The following PHTF1 variants were observed in gnomAD, a reference collection of about 807,000 sequenced individuals.
The protein encoded by PHTF1 is protein PHTF1.
Under a neutral mutation model 102.4 loss-of-function variants are expected in PHTF1, and 88 were observed. The ratio of observed to expected loss-of-function variants is 0.86; its 90% CI spans 0.72 to 1.03. The LOEUF is 1.03. Ranked by LOEUF, PHTF1 falls within the 50% of genes least tolerant of loss-of-function variation. PHTF1 has a pLI of 0.00. For synonymous variants in PHTF1, 289 were observed against 305.2 expected (o/e 0.95, Z 0.55); for missense variants, 814 against 909.5 (o/e 0.89, Z 1.35).
chr1:113,752,585 C>T (rs1658264179), intron 3 of PHTF1, among the ~76,000 whole-genome samples: 1 of 151,650 alleles, frequency 6.6e-6, no homozygotes, highest in South Asian at 2.1e-4. Context: ...GGGGTTTCAC[C>T]ATGTTAGCCA....
rs998940640 is a variant in PHTF1, at chr1:113,700,340, C to T, written c.2046+454G>A. 21 of 194,008 alleles carry T rather than the reference C, an allele frequency of 1.1e-4. 1 individual carries two copies. Among genetic ancestry groups the T allele is most frequent in the Non-Finnish European group, 4.7e-5 (5 of 106,090 alleles). 12.0% of individuals were successfully genotyped at this position (194,008 alleles called of 1,614,324 possible). A position where few individuals can be genotyped will look rare whatever the true frequency, so the allele number is the denominator to read the frequency against. On this transcript the variant is annotated intron_variant, in intron 16 of 18. Transcript: ENST00000369604. ...AAAACAAAATTAAAAAAACTTTATACTACTCTGTATTTACAAGAGATATTT... is the reference window on the plus strand; with the variant it reads ...AAAACAAAATTAAAAAAACTTTATATTACTCTGTATTTACAAGAGATATTT...
intron 5 of PHTF1, among the ~76,000 whole-genome samples, chr1:113,729,734 C>T (rs187219886): frequency 1.6e-3 from 246 of 152,240 alleles, no homozygotes; most frequent in Non-Finnish European, 3.1e-3. Flanking sequence ...ACCAAAAAGA[C>T]CAACTACGTG....
In PHTF1 at chr1:113,746,870, C is replaced by A. The variant is rs901155901; in HGVS notation, c.103-8071G>T. The A allele has an allele frequency of 4.4e-6, 4 of 906,772 alleles. No individual in the cohort carries two copies. The African/African-American group carries it at 7.2e-5, about 16-fold the overall frequency. The allele number at this position is 906,772 out of a possible 1,614,324, so 56.2% of individuals were successfully genotyped here. A position where few individuals can be genotyped will look rare whatever the true frequency, so the allele number is the denominator to read the frequency against. On this transcript the variant is annotated intron_variant, in intron 3 of 18. Coordinates refer to ENST00000369604, the MANE Select transcript of PHTF1 (RefSeq NM_001323043.2). ...CACCCTTCCTTACCCTTGATTCATA[C>A]ATCCTAGCTATTTCTTCTCTTTACT...
intron 3 of PHTF1, among the ~76,000 whole-genome samples, chr1:113,751,399 T>TC (rs1165569925): frequency 6.6e-6 from 1 of 152,196 alleles, no homozygotes; most frequent in African/African-American, 2.4e-5. Context: ...AAAGCCCTGT[T>TC]CCCCTCAATC....
chr1:113,698,317 A>C lies in PHTF1; in HGVS notation c.2213T>G (p.Val738Gly). 6.2e-7 allele frequency: 1 copy of C among 1,607,760 alleles called. No individual in the cohort carries two copies. The highest frequency in any genetic ancestry group is 1.1e-5 in the South Asian group (1 of 90,942). The stretch of plus-strand genomic sequence containing the variant: ...AACACCTGAGACAGCAGAAAGGATA[A>C]CTACTCTTGTGATATTGTAGATTAA... ...NPLIYNITRVVILSAVSGVIS... is the reference protein window; with the variant it reads ...NPLIYNITRVGILSAVSGVIS... Residue 738 changes from valine to glycine, a missense_variant, in exon 18 of 19, where the codon GTT becomes GGT. Physicochemically the swap from Val to Gly is moderately radical, Grantham distance 109. Transcript: ENST00000369604.
intron 5 of PHTF1, among the ~76,000 whole-genome samples, chr1:113,737,698 C>G (rs1049188311): frequency 6.6e-6 from 1 of 152,146 alleles, no homozygotes; most frequent in Admixed American, 6.5e-5. Flanking sequence ...ACTTGGGTGG[C>G]TGAGGTGGAA....
At chr1:113,700,104 AC>A (rs1460024316) in intron 16 of PHTF1, 5 of 1,042,990 alleles carry the variant, frequency 4.8e-6, no homozygotes, top group Non-Finnish European at 5.8e-6. Context: ...TGAGTTCAAA[AC>A]CTCTATCTTA....
intron 3 of PHTF1, among the ~76,000 whole-genome samples, chr1:113,748,827 C>T (rs887883159): frequency 6.6e-6 from 1 of 152,218 alleles, no homozygotes; most frequent in Non-Finnish European, 1.5e-5. Flanking sequence ...CCACTGTACC[C>T]AGCCACCCCT....
chr1:113,723,827 G>A (rs965991961), intron 7 of PHTF1, among the ~76,000 whole-genome samples: 5 of 152,108 alleles, frequency 3.3e-5, no homozygotes, highest in Non-Finnish European at 5.9e-5. Flanking sequence ...AATCAACCAA[G>A]TGAAAATACA....
rs117221501 is a variant in PHTF1 at position 113,740,284 on chromosome 1, T to C, written c.103-1485A>G. On this transcript the variant is annotated intron_variant, in intron 3 of 18. Transcript: ENST00000369604. ...CCATTCTAATTAGGTTGACGTGGTA[T>C]CTCATTGCGGTTTTGATTTGCATTT... Among the ~76,000 whole-genome samples the C allele has an allele frequency of 2.2e-4, 34 of 152,320 alleles. No homozygotes were observed. The East Asian group carries it at 5.6e-3, about 25-fold the overall frequency.
intron 3 of PHTF1, among the ~76,000 whole-genome samples, chr1:113,749,853 A>G (rs1286242318): frequency 6.6e-6 from 1 of 152,148 alleles, no homozygotes; most frequent in Non-Finnish European, 1.5e-5. Flanking sequence ...TTGTATTGAT[A>G]GCTCTCATTT....
chr1:113,759,652 T>C (rs1478457793), upstream of PHTF1, among the ~76,000 whole-genome samples: 2 of 152,046 alleles, frequency 1.3e-5, no homozygotes, highest in Non-Finnish European at 2.9e-5. Flanking sequence ...GGCATATCGA[T>C]GGCCAAGAGC....
chr1:113,748,724 C>T (rs1446130370), intron 3 of PHTF1, among the ~76,000 whole-genome samples: 1 of 151,976 alleles, frequency 6.6e-6, no homozygotes, highest in Admixed American at 6.6e-5. Context: ...TTTGTAAAGA[C>T]AGGGTATCAC....
In PHTF1 at chr1:113,758,837, C is replaced by T. The variant is rs1659275714; in HGVS notation, c.-30-104G>A. The T allele has an allele frequency of 2.2e-6, 3 of 1,386,210 alleles. No individual in the cohort carries two copies. The South Asian group carries it at 5.2e-5, about 24-fold the overall frequency. 85.9% of individuals were successfully genotyped at this position (1,386,210 alleles called of 1,614,324 possible). On this transcript the variant is annotated intron_variant, in intron 1 of 18. Transcript: ENST00000369604. Reference sequence around the variant, plus strand: ...CTTCTCTCAGCCTCTCCATGAGCTGCTCTTTCTCCAGCTGTTTGCCAGGGA... The same window carrying T: ...CTTCTCTCAGCCTCTCCATGAGCTGTTCTTTCTCCAGCTGTTTGCCAGGGA...
rs190019290 is a variant in PHTF1 at position 113,704,111 on chromosome 1, T to G, written c.1860A>C (p.Thr620=). ...CACAACAAATGAAAGCAATCGAAAG[T>G]GTCAGTAGGAAAACCGAGGATACAA... ...DVVVSSVFLL[T]LSIAFICCAQ... Residue 620 remains threonine (T), a synonymous_variant, in exon 15 of 19, where the codon ACA becomes ACC. Transcript: ENST00000369604. The G allele has an allele frequency of 6.2e-7, 1 of 1,613,448 alleles. No homozygotes were observed. The highest frequency in any genetic ancestry group is 1.7e-5 in the Admixed American group (1 of 59,998).
At chr1:113,743,902 T>C (rs945555948) in intron 3 of PHTF1, among the ~76,000 whole-genome samples, 3 of 152,180 alleles carry the variant, frequency 2.0e-5, no homozygotes, top group Admixed American at 6.5e-5. Flanking sequence ...AAGGCAGAGA[T>C]TCCAACCCTT....
intron 3 of PHTF1, among the ~76,000 whole-genome samples, chr1:113,753,909 G>A (rs560211725): frequency 4.0e-5 from 6 of 150,554 alleles, no homozygotes; most frequent in South Asian, 2.1e-4. Context: ...GGCCTCAAAC[G>A]ATCCTCCCAC....
In PHTF1 at chr1:113,710,283, G is replaced by A. The variant is rs760129880; in HGVS notation, c.1240C>T (p.Arg414Cys). The change falls in exon 11 of 19, where the codon CGT becomes TGT. Residue 414 changes from arginine to cysteine, a missense_variant. Transcript: ENST00000369604. ...HVNTLHSGTKRDPKEDVFQQN... is the reference protein window; with the variant it reads ...HVNTLHSGTKCDPKEDVFQQN... ...TGAAAAACATCCTCTTTGGGGTCAC[G>A]TTTGGTCCCTGAGTGAAGGGTATTC... 1.2e-5 allele frequency: 19 copies of A among 1,613,456 alleles called. No homozygotes were observed. The highest frequency in any genetic ancestry group is 1.4e-5 in the Non-Finnish European group (16 of 1,179,884).
chr1:113,757,617 T>C, intron 3 of PHTF1, 82 bp downstream of exon 3: 2 of 885,108 alleles, frequency 2.3e-6, no homozygotes, highest in Non-Finnish European at 1.9e-6. Flanking sequence ...GGTAGTTAAA[T>C]GCAGAGTTTA....
Sources: gnomAD v4.1 joint callset for allele counts (sites outside exome capture counted in the v4.1 genomes callset) on GRCh38, gnomAD v4.1.1 for gene constraint, MANE v1.5 for transcripts, NCBI Gene and HGNC (gene_info 2026-07-23, HGNC 2026-07-21) for gene names.